Variants in NEK3 observed in about 807,000 individuals in gnomAD.
NEK3 encodes serine/threonine-protein kinase Nek3.
NEK3 carries 54 observed loss-of-function variants against 66.0 expected under a neutral mutation model. The observed-to-expected ratio is 0.82, with a 90% CI of 0.66 to 1.03. The LOEUF (loss-of-function observed/expected upper bound fraction) is 1.03, where lower values mean the gene tolerates loss of function less well. Ranked by LOEUF, NEK3 falls within the 50% of genes least tolerant of loss-of-function variation. The pLI is 0.00. For missense variants in NEK3, 593 were observed against 603.0 expected, an observed-to-expected ratio of 0.98 and a Z score of 0.17; for synonymous variants, 200 against 206.2, an observed-to-expected ratio of 0.97 and a Z score of 0.26.
In NEK3 at chr13:52,142,281, T is replaced by C. The variant is rs377245413; in HGVS notation, c.878-1212A>G. ...AAAACAAAGGTAACTGGCTATCTCT[T>C]TTTTTTTTTTTTGGAGACGGAGTCT... On this transcript the variant is annotated intron_variant, in intron 10 of 15. Transcript: ENST00000610828. Among the ~76,000 whole-genome samples the C allele has an allele frequency of 2.4e-4, 35 of 146,456 alleles. No individual in the cohort carries two copies. In the East Asian group the frequency reaches 4.5e-3, roughly 19 times the overall value.
chr13:52,140,147 C>T (rs1200682513), intron 11 of NEK3, among the ~76,000 whole-genome samples: 19 of 133,002 alleles, frequency 1.4e-4, no homozygotes, highest in East Asian at 2.4e-4. Flanking sequence ...CCCAGGTGTT[C>T]GAAGATGCAG....
chr13:52,154,960 A>G (rs1415932780), intron 2 of NEK3, among the ~76,000 whole-genome samples: 1 of 151,524 alleles, frequency 6.6e-6, no homozygotes, highest in Non-Finnish European at 1.5e-5. Context: ...CCATCTATAA[A>G]TTTTAAAAAA....
At chr13:52,139,898 C>G (rs575103531) in intron 11 of NEK3, among the ~76,000 whole-genome samples, 39 of 151,816 alleles carry the variant, frequency 2.6e-4, no homozygotes, top group African/African-American at 9.2e-4. Flanking sequence ...GATTCTGTTT[C>G]AAAATAAACG....
At chr13:52,146,251 A>C (rs1401482988) in intron 8 of NEK3, among the ~76,000 whole-genome samples, 1 of 152,170 alleles carries the variant, frequency 6.6e-6, no homozygotes, top group Non-Finnish European at 1.5e-5. Flanking sequence ...ATTTAAAAGA[A>C]GTTTATTTTT....
At chr13:52,154,948 C>T (rs1396702838) in intron 2 of NEK3, among the ~76,000 whole-genome samples, 1 of 151,148 alleles carries the variant, frequency 6.6e-6, no homozygotes, top group African/African-American at 2.4e-5. Context: ...TAGAGCAAGA[C>T]CCCATCTATA....
At chr13:52,139,166 T>C (rs986791510) in intron 11 of NEK3, among the ~76,000 whole-genome samples, 5 of 152,150 alleles carry the variant, frequency 3.3e-5, no homozygotes, top group Non-Finnish European at 5.9e-5. Context: ...CTACAAAGCA[T>C]TGAACAGAAA....
intron 11 of NEK3, among the ~76,000 whole-genome samples, chr13:52,140,292 T>C (rs2138194127): frequency 6.7e-6 from 1 of 150,306 alleles, no homozygotes; most frequent in South Asian, 2.1e-4. Context: ...TCCACATCTG[T>C]ATTGAAACCA....
At chr13:52,148,335 T>G in intron 8 of NEK3, 80 bp downstream of exon 8, 1 of 1,356,902 alleles carries the variant, frequency 7.4e-7, no homozygotes, top group Non-Finnish European at 1.0e-6. Flanking sequence ...GGAAGCAAAC[T>G]GCCAACTAGA....
At chr13:52,154,716 T>A (rs544462397) in intron 2 of NEK3, among the ~76,000 whole-genome samples, 33 of 151,544 alleles carry the variant, frequency 2.2e-4, no homozygotes, top group Non-Finnish European at 3.5e-4. Flanking sequence ...CCTAACTTAC[T>A]CTATGAGGAT....
chr13:52,147,152 A>G (rs1370768068), intron 8 of NEK3, among the ~76,000 whole-genome samples: 1 of 152,228 alleles, frequency 6.6e-6, no homozygotes, highest in Non-Finnish European at 1.5e-5. Flanking sequence ...GGAAACTCAT[A>G]TAAGTGAAAT....
intron 8 of NEK3, 114 bp downstream of exon 8, chr13:52,148,301 A>C: frequency 1.0e-6 from 1 of 971,138 alleles, no homozygotes; most frequent in Non-Finnish European, 1.6e-6. Flanking sequence ...ACATATACAA[A>C]CTTTTATAAT....
At chr13:52,144,928 G>A in intron 8 of NEK3, 37 bp from the exon 9 acceptor site, 2 of 1,376,842 alleles carry the variant, frequency 1.5e-6, no homozygotes, top group African/African-American at 2.9e-5. Context: ...GCAGATACAG[G>A]GGAAGAAATG....
intron 2 of NEK3, 39 bp from the exon 3 acceptor site, chr13:52,154,212 C>A: frequency 8.0e-7 from 1 of 1,253,864 alleles, no homozygotes; most frequent in South Asian, 1.4e-5. Context: ...CTTAATACTG[C>A]ATTTTAAAAT....
chr13:52,152,387 G>GTA (rs944400354), intron 5 of NEK3, among the ~76,000 whole-genome samples: 8 of 152,032 alleles, frequency 5.3e-5, no homozygotes, highest in African/African-American at 1.2e-4. Context: ...CAGTGTGTGT[G>GTA]TATATATATA....
rs3368 is a variant in NEK3 at position 52,133,104 on chromosome 13, C to A, written c.*38G>T. On this transcript the variant is annotated 3_prime_UTR_variant, in exon 16 of 16. Coordinates refer to ENST00000610828, the MANE Select transcript of NEK3 (RefSeq NM_002498.3). ...TCTCAGCATGAACTCCTGAGTGAAGCCTCTCCTCAGCGTGACTCAGGAACA... is the reference window on the plus strand; with the variant it reads ...TCTCAGCATGAACTCCTGAGTGAAGACTCTCCTCAGCGTGACTCAGGAACA... The A allele has an allele frequency of 6.6e-7, 1 of 1,510,938 alleles. No individual in the cohort carries two copies. Among genetic ancestry groups the A allele is most frequent in the Non-Finnish European group, 9.1e-7 (1 of 1,097,664 alleles). The allele number at this position is 1,510,938 out of a possible 1,614,324, so 93.6% of individuals were successfully genotyped here. A position where few individuals can be genotyped will look rare whatever the true frequency, so the allele number is the denominator to read the frequency against.
chr13:52,134,518 G>T (rs1450948353), intron 14 of NEK3, among the ~76,000 whole-genome samples: 6 of 152,086 alleles, frequency 3.9e-5, no homozygotes, highest in Non-Finnish European at 5.9e-5. Flanking sequence ...ACTGAAGGAA[G>T]ACCACATGCA....
intron 14 of NEK3, among the ~76,000 whole-genome samples, chr13:52,134,468 C>A (rs1018028846): frequency 2.6e-5 from 4 of 152,090 alleles, no homozygotes; most frequent in Non-Finnish European, 4.4e-5. Flanking sequence ...TGAACTTTCT[C>A]CTCCCAAGTT....
chr13:52,144,271 C>T (rs1306413034), intron 9 of NEK3, among the ~76,000 whole-genome samples: 1 of 152,118 alleles, frequency 6.6e-6, no homozygotes, highest in Non-Finnish European at 1.5e-5. Context: ...AAAAAAGTAG[C>T]TGGACGTGGT....
At chr13:52,153,105 T>G (rs1362690836) in intron 4 of NEK3, among the ~76,000 whole-genome samples, 1 of 152,150 alleles carries the variant, frequency 6.6e-6, no homozygotes, top group Non-Finnish European at 1.5e-5. Context: ...AAGATTTCAT[T>G]ATATCATAAA....
Sources: allele counts gnomAD v4.1 joint callset (sites outside exome capture counted in the v4.1 genomes callset), GRCh38; gene constraint gnomAD v4.1.1; transcripts MANE v1.5; gene names NCBI Gene and HGNC (gene_info 2026-07-23, HGNC 2026-07-21).